MAN1C1: variants seen among roughly 807,000 people sequenced by gnomAD.
MAN1C1 encodes mannosyl-oligosaccharide 1,2-alpha-mannosidase IC.
Under a neutral mutation model 71.5 loss-of-function variants are expected in MAN1C1, and 49 were observed. The ratio of observed to expected loss-of-function variants is 0.69; its 90% CI spans 0.54 to 0.87. MAN1C1 has a LOEUF of 0.87. Among genes scored for constraint, MAN1C1 ranks in the 40% least tolerant of loss-of-function variants. MAN1C1 has a pLI of 0.00. For missense variants in MAN1C1, 743 were observed against 835.0 expected (o/e 0.89, Z 1.36); for synonymous variants, 352 against 343.7 (o/e 1.02, Z -0.27).
Position 25,778,056 on chromosome 1 carries a change from G to A in MAN1C1, c.1258-49G>A. On this transcript the variant is annotated intron_variant, in intron 8 of 11. Transcript: ENST00000374332. The surrounding 1 kb of genome is among the most constrained non-coding windows in gnomAD (Gnocchi z 5.5). ...TTTCCATCCTTTCCCCCCCTTCTCT[G>A]TGCCCTCCCACGCCCCTTCTCCCTG... 1.5e-6 allele frequency: 2 copies of A among 1,362,334 alleles called. No individual in the cohort carries two copies. The highest frequency in any genetic ancestry group is 2.0e-6 in the Non-Finnish European group (2 of 1,000,624). 84.4% of individuals were successfully genotyped at this position (1,362,334 alleles called of 1,614,324 possible). A position where few individuals can be genotyped will look rare whatever the true frequency, so the allele number is the denominator to read the frequency against.
rs192026371 is a variant in MAN1C1, at chr1:25,618,758, T to C, written c.540+421T>C. On this transcript the variant is annotated intron_variant, in intron 1 of 11. Coordinates refer to ENST00000374332, the MANE Select transcript of MAN1C1 (RefSeq NM_020379.4). Reference sequence around the variant, plus strand: ...AGCCACTGGTCCCATTCTTTTTCACTGTGTGACCTTAAGTCCAAAACCCCT... The same window carrying C: ...AGCCACTGGTCCCATTCTTTTTCACCGTGTGACCTTAAGTCCAAAACCCCT... 4.5e-4 allele frequency among the ~76,000 whole-genome samples: 68 copies of C among 152,262 alleles called. 1 individual carries two copies. Among genetic ancestry groups the C allele is most frequent in the Non-Finnish European group, 5.9e-4 (40 of 68,020 alleles).
Position 25,776,332 on chromosome 1 carries a change from C to G in MAN1C1, c.1258-1773C>G, listed in dbSNP as rs1040322813. 1.3e-5 allele frequency among the ~76,000 whole-genome samples: 2 copies of G among 152,086 alleles called. No individual in the cohort carries two copies. The highest frequency in any genetic ancestry group is 4.8e-5 in the African/African-American group (2 of 41,406). On this transcript the variant is annotated intron_variant, in intron 8 of 11. Coordinates refer to ENST00000374332, the MANE Select transcript of MAN1C1 (RefSeq NM_020379.4). The surrounding 1 kb of genome is among the most constrained non-coding windows in gnomAD (Gnocchi z 4.3). ...TTGGGAGGCCGAGGTGGGTGGATCC[C>G]CTGAGGTCAGGAGTTCAAGACCAGC... is the stretch of plus-strand genomic sequence containing the variant.
At chr1:25,723,782 A>G (rs546808712) in intron 2 of MAN1C1, among the ~76,000 whole-genome samples, 5 of 152,300 alleles carry the variant, frequency 3.3e-5, no homozygotes, top group South Asian at 2.1e-4. Context: ...GGGTTTTTGC[A>G]TAAAGATTTA....
Position 25,660,892 on chromosome 1 carries a change from T to C in MAN1C1, c.541-25548T>C, listed in dbSNP as rs533399143. 8.6e-5 allele frequency among the ~76,000 whole-genome samples: 13 copies of C among 151,866 alleles called. No homozygotes were observed. The East Asian group carries it at 2.5e-3, about 30-fold the overall frequency. On this transcript the variant is annotated intron_variant, in intron 1 of 11. Transcript: ENST00000374332. The stretch of plus-strand genomic sequence containing the variant: ...TTTTTGTAGAGATGGGGTTTCACCA[T>C]GTTGCCCAGGCTGGTCTCAAACTTC...
Position 25,737,987 on chromosome 1 carries a change from C to T in MAN1C1, c.638-8681C>T, listed in dbSNP as rs550633538. Among the ~76,000 whole-genome samples, 6 of 152,078 alleles carry T rather than the reference C, an allele frequency of 3.9e-5. 1 individual carries two copies. In the South Asian group the frequency reaches 1.0e-3, roughly 26 times the overall value. Reference sequence around the variant, plus strand: ...CACGGCTGGGACCATGGGTTCTGCACGCTGTGTCCAGGAGTTTGAACTTGG... The same window carrying T: ...CACGGCTGGGACCATGGGTTCTGCATGCTGTGTCCAGGAGTTTGAACTTGG... On this transcript the variant is annotated intron_variant, in intron 2 of 11. Coordinates refer to ENST00000374332, the MANE Select transcript of MAN1C1 (RefSeq NM_020379.4).
At chr1:25,719,064 T>C (rs2046723491) in intron 2 of MAN1C1, among the ~76,000 whole-genome samples, 3 of 145,566 alleles carry the variant, frequency 2.1e-5, no homozygotes, top group Admixed American at 6.8e-5. Flanking sequence ...ATTATTATTA[T>C]TATTATTATT....
At chr1:25,685,051 G>C (rs1256799596) in intron 1 of MAN1C1, among the ~76,000 whole-genome samples, 1 of 152,246 alleles carries the variant, frequency 6.6e-6, no homozygotes, top group Non-Finnish European at 1.5e-5. Flanking sequence ...GATGAAAGGA[G>C]GGGTGGATAG....
chr1:25,687,200 G>C (rs904872277), intron 2 of MAN1C1, among the ~76,000 whole-genome samples: 1 of 152,182 alleles, frequency 6.6e-6, no homozygotes, highest in South Asian at 2.1e-4. Flanking sequence ...CATCAGGAGC[G>C]GGGGCATGGG....
intron 2 of MAN1C1, among the ~76,000 whole-genome samples, chr1:25,734,030 A>C (rs1245731511): frequency 6.6e-6 from 1 of 151,772 alleles, no homozygotes; most frequent in Non-Finnish European, 1.5e-5. Flanking sequence ...TGATCTCCTG[A>C]CCTCGTGATC....
intron 2 of MAN1C1, among the ~76,000 whole-genome samples, chr1:25,693,975 C>T (rs956485126): frequency 1.3e-5 from 2 of 152,186 alleles, no homozygotes; most frequent in Admixed American, 1.3e-4. Context: ...ATGTAGGCTG[C>T]TGTGATTATT....
chr1:25,772,878 C>T lies in MAN1C1; in HGVS notation c.1257+1106C>T, dbSNP rs547379996. 4.6e-5 allele frequency among the ~76,000 whole-genome samples: 7 copies of T among 152,252 alleles called. 1 individual carries two copies. The East Asian group carries it at 5.8e-4, about 13-fold the overall frequency. ...CCTGCTCTTCCTCAGACACCCCAGG[C>T]GACTCCCACCTCAGGGCCTTTGCAC... On this transcript the variant is annotated intron_variant, in intron 8 of 11. Transcript: ENST00000374332.
chr1:25,686,993 G>T (rs1290426325), intron 2 of MAN1C1, among the ~76,000 whole-genome samples: 1 of 152,114 alleles, frequency 6.6e-6, no homozygotes, highest in African/African-American at 2.4e-5. Context: ...TCGGGGCTGG[G>T]GGCCGGGCGT....
chr1:25,716,196 C>T (rs1268477099), intron 2 of MAN1C1, among the ~76,000 whole-genome samples: 1 of 152,158 alleles, frequency 6.6e-6, no homozygotes, highest in Non-Finnish European at 1.5e-5. Flanking sequence ...ATTCCCATGG[C>T]CATGTGCTCA....
rs546444822 is a variant in MAN1C1 at position 25,782,430 on chromosome 1, C to A, written c.1651-155C>A. On this transcript the variant is annotated intron_variant, in intron 10 of 11. Transcript: ENST00000374332. This position sits in a 1 kb window ranked among gnomAD's most constrained non-coding sequence, Gnocchi z 4.4. ...GCTAAACCCCGAAAGAATAATTTGA[C>A]CTTCTGTTCCCACAAATGCCAGGAG... Among the ~76,000 whole-genome samples the A allele has an allele frequency of 6.6e-6, 1 of 152,136 alleles. No individual in the cohort carries two copies. Among genetic ancestry groups the A allele is most frequent in the Non-Finnish European group, 1.5e-5 (1 of 68,028 alleles).
rs1357569511 is a variant in MAN1C1, at chr1:25,778,867, C to G, written c.1477+543C>G. Among the ~76,000 whole-genome samples, 1 of 152,150 alleles carries G rather than the reference C, an allele frequency of 6.6e-6. No homozygotes were observed. Among genetic ancestry groups the G allele is most frequent in the Non-Finnish European group, 1.5e-5 (1 of 68,022 alleles). ...TTGGTCCTCCCCACCCACCACTCAC[C>G]ACTGAATTGTCCGATGCTAGAATCA... On this transcript the variant is annotated intron_variant, in intron 9 of 11. Transcript: ENST00000374332. This position sits in a 1 kb window ranked among gnomAD's most constrained non-coding sequence, Gnocchi z 5.5.
chr1:25,729,119 A>T (rs995183195), intron 2 of MAN1C1, among the ~76,000 whole-genome samples: 1 of 152,070 alleles, frequency 6.6e-6, no homozygotes, highest in Non-Finnish European at 1.5e-5. Context: ...TAGAGACCAA[A>T]CCCCTTGGCC....
At chr1:25,670,309 T>C (rs779677225) in intron 1 of MAN1C1, among the ~76,000 whole-genome samples, 3 of 152,250 alleles carry the variant, frequency 2.0e-5, no homozygotes, top group Non-Finnish European at 2.9e-5. Context: ...CCATGTGCCT[T>C]GCAGGATCTC....
rs2047132570 is a variant in MAN1C1 at position 25,746,663 on chromosome 1, T to C, written c.638-5T>C. The C allele has an allele frequency of 2.5e-6, 4 of 1,607,220 alleles. No individual in the cohort carries two copies. The highest frequency in any genetic ancestry group is 1.3e-5 in the African/African-American group (1 of 74,762). ...GGTCACACCCTCAATGCTCTGTGCCTGCAGGAGGCCTCAGCGGGGCAACAG... is the reference window on the plus strand; with the variant it reads ...GGTCACACCCTCAATGCTCTGTGCCCGCAGGAGGCCTCAGCGGGGCAACAG... On this transcript the variant is annotated splice_polypyrimidine_tract_variant and splice_region_variant and intron_variant, in intron 2 of 11. Coordinates refer to ENST00000374332, the MANE Select transcript of MAN1C1 (RefSeq NM_020379.4). This position sits in a 1 kb window ranked among gnomAD's most constrained non-coding sequence, Gnocchi z 4.0.
chr1:25,642,089 C>CT (rs2045545682), intron 1 of MAN1C1, among the ~76,000 whole-genome samples: 1 of 152,116 alleles, frequency 6.6e-6, no homozygotes, highest in African/African-American at 2.4e-5. Context: ...CCACCTAAAT[C>CT]TTTTTTGAGG....
Sources: gnomAD v4.1 joint callset for allele counts (sites outside exome capture counted in the v4.1 genomes callset) on GRCh38, gnomAD v4.1.1 for gene constraint, Gnocchi (gnomAD v3.1) non-coding constraint, MANE v1.5 for transcripts, NCBI Gene and HGNC (gene_info 2026-07-23, HGNC 2026-07-21) for gene names.